The following SPRR2F variants were observed in gnomAD, a reference collection of about 807,000 sequenced individuals.
SPRR2F encodes the protein small proline rich protein 2F.
In SPRR2F, 2 loss-of-function variants were observed where a neutral mutation model predicts 0.8. The ratio of observed to expected loss-of-function variants is 2.52; its 90% CI spans 1.03 to 7.95. SPRR2F has a LOEUF of 7.95. SPRR2F is among the 30% of genes most tolerant of loss of function. The pLI is 0.04. For missense variants in SPRR2F, 80 were observed against 85.8 expected (o/e 0.93, Z 0.27); for synonymous variants, 39 against 33.4 (o/e 1.17, Z -0.58).
At chr1:153,119,326 ACT>A in the SPRR2F span, among the ~76,000 whole-genome samples, 2 of 152,198 alleles carry the variant, frequency 1.3e-5, no homozygotes, top group Non-Finnish European at 2.9e-5. Flanking sequence ...AAAAGATCCA[ACT>A]CTATGCTATT....
the SPRR2F span, among the ~76,000 whole-genome samples, chr1:153,118,663 C>T: frequency 2.0e-5 from 3 of 152,076 alleles, no homozygotes; most frequent in African/African-American, 7.2e-5. Context: ...CTCTAATAAT[C>T]AAAACCTGAG....
At chr1:153,115,130 C>T (rs1480888930), upstream of SPRR2F, among the ~76,000 whole-genome samples, 1 of 152,112 alleles carries the variant, frequency 6.6e-6, no homozygotes, top group Non-Finnish European at 1.5e-5. Flanking sequence ...GGCTTTGGGG[C>T]AAGATCACTA....
upstream of SPRR2F, among the ~76,000 whole-genome samples, chr1:153,115,422 T>C (rs374604222): frequency 4.6e-5 from 7 of 152,158 alleles, no homozygotes; most frequent in African/African-American, 1.7e-4. Context: ...ACAGTTTGAG[T>C]CATGCCCTGA....
intron 1 of SPRR2F, 136 bp downstream of exon 1, chr1:153,113,338 C>G (rs1655646015): frequency 6.4e-6 from 1 of 156,818 alleles, no homozygotes; most frequent in Admixed American, 6.0e-5. Context: ...TCATTGTGCT[C>G]TAATCCTAAA....
intron 1 of SPRR2F, among the ~76,000 whole-genome samples, chr1:153,113,273 T>G (rs1408911745): frequency 6.6e-6 from 1 of 152,216 alleles, no homozygotes; most frequent in Admixed American, 6.5e-5. Flanking sequence ...CTTAACTAAC[T>G]TCTCTGTCCA....
chr1:153,119,307 A>G, the SPRR2F span, among the ~76,000 whole-genome samples: 19,583 of 152,208 alleles, frequency 0.13, 1,396 homozygotes, highest in Middle Eastern at 0.28. Context: ...TGGAATGGAT[A>G]AAAAAGAAAA....
intron 1 of SPRR2F, 55 bp from the exon 2 acceptor site, chr1:153,112,807 G>T (rs769449371): frequency 6.8e-5 from 109 of 1,604,236 alleles, no homozygotes; most frequent in Non-Finnish European, 9.2e-5. Flanking sequence ...AGAGAGAGAA[G>T]CCAAAGCTTA....
intron 1 of SPRR2F, among the ~76,000 whole-genome samples, chr1:153,113,207 A>C (rs1655642271): frequency 6.6e-6 from 1 of 152,218 alleles, no homozygotes; most frequent in African/African-American, 2.4e-5. Context: ...CCAGAAAAGC[A>C]GAGAAAAAAA....
In SPRR2F at chr1:153,112,573, C is replaced by T. The variant is rs74133288; in HGVS notation, c.161G>A (p.Cys54Tyr). 3,433 of 1,612,956 alleles carry T rather than the reference C, an allele frequency of 2.1e-3. 56 individuals are homozygous for T. The African/African-American group carries it at 0.04, about 19-fold the overall frequency. ...SCPPQQCQQK[C>Y]PPVTPSPPCQ... ...GGGTGGGGAAGGTGTCACAGGAGGA[C>T]ATTTCTGCTGGCACTGCTGAGGTGG... Residue 54 changes from cysteine (C) to tyrosine (Y), a missense_variant, in exon 2 of 2, where the codon TGT becomes TAT. Transcript: ENST00000468739.
chr1:153,115,834 G>A (rs1655713138), upstream of SPRR2F, among the ~76,000 whole-genome samples: 1 of 152,062 alleles, frequency 6.6e-6, no homozygotes, highest in African/African-American at 2.4e-5. Flanking sequence ...CAGTCTGATA[G>A]CCTTAGGTCC....
At chr1:153,117,089 T>C (rs1201146860), upstream of SPRR2F, among the ~76,000 whole-genome samples, 1 of 152,026 alleles carries the variant, frequency 6.6e-6, no homozygotes, top group Non-Finnish European at 1.5e-5. Flanking sequence ...TGGTAAGTTA[T>C]TTGCTTTATC....
chr1:153,118,426 T>C (rs1655760949), upstream of SPRR2F, among the ~76,000 whole-genome samples: 1 of 152,086 alleles, frequency 6.6e-6, no homozygotes, highest in Admixed American at 6.5e-5. Flanking sequence ...CGGAGGCACA[T>C]TATAATCAAA....
chr1:153,114,910 C>A (rs574207832), upstream of SPRR2F, among the ~76,000 whole-genome samples: 2 of 151,986 alleles, frequency 1.3e-5, no homozygotes, highest in Non-Finnish European at 2.9e-5. Context: ...TTCCTTAGAC[C>A]AGTAGTCAGA....
At chr1:153,118,924 G>A in the SPRR2F span, among the ~76,000 whole-genome samples, 16 of 152,136 alleles carry the variant, frequency 1.1e-4, no homozygotes, top group Non-Finnish European at 2.4e-4. Context: ...GACATGCCAC[G>A]TAGAAAGATG....
At chr1:153,116,846 T>C (rs1571010749), upstream of SPRR2F, among the ~76,000 whole-genome samples, 1 of 151,926 alleles carries the variant, frequency 6.6e-6, no homozygotes, top group African/African-American at 2.4e-5. Flanking sequence ...TATGATGAAA[T>C]TGGAAGAAAT....
At chr1:153,118,335 A>G (rs1165234100), upstream of SPRR2F, among the ~76,000 whole-genome samples, 1 of 152,148 alleles carries the variant, frequency 6.6e-6, no homozygotes, top group Non-Finnish European at 1.5e-5. Flanking sequence ...GGTTCCATAT[A>G]TGTGACTTCA....
chr1:153,118,038 C>T (rs1039796801), upstream of SPRR2F, among the ~76,000 whole-genome samples: 5 of 152,084 alleles, frequency 3.3e-5, no homozygotes, highest in Non-Finnish European at 5.9e-5. Context: ...CATCCATCAT[C>T]ATGACTCCTA....
rs770366884 is a variant in SPRR2F at position 153,112,674 on chromosome 1, C to T, written c.60G>A (p.Ala20=). The T allele has an allele frequency of 8.7e-6, 14 of 1,612,130 alleles. No homozygotes were observed. The highest frequency in any genetic ancestry group is 5.3e-5 in the African/African-American group (4 of 74,788). Residue 20 remains alanine (A), a synonymous_variant, in exon 2 of 2, where the codon GCG becomes GCA. Coordinates refer to ENST00000468739, the MANE Select transcript of SPRR2F (RefSeq NM_001014450.3). ...GTGGACATGGCTCTGGGCACTTTGG[C>T]GCGGGGCACACAGGAGGTGGCTGGC... ...QPCQPPPVCP[A]PKCPEPCPPP... is the part of the protein sequence containing the mutation.
upstream of SPRR2F, among the ~76,000 whole-genome samples, chr1:153,117,990 C>G (rs910334255): frequency 1.2e-4 from 19 of 152,038 alleles, no homozygotes; most frequent in Admixed American, 5.2e-4. Flanking sequence ...TCAAAACTGA[C>G]TCATGATCTC....
Sources: allele counts gnomAD v4.1 joint callset (sites outside exome capture counted in the v4.1 genomes callset), GRCh38; gene constraint gnomAD v4.1.1; transcripts MANE v1.5; gene names NCBI Gene and HGNC (gene_info 2026-07-23, HGNC 2026-07-21).